Variants in SH3RF1 observed in about 807,000 individuals in gnomAD.
SH3RF1 encodes E3 ubiquitin-protein ligase SH3RF1.
A neutral mutation model predicts 74.0 loss-of-function variants in SH3RF1; 32 were observed. That is an observed-to-expected ratio of 0.43 (90% CI 0.33 to 0.58). SH3RF1 has a LOEUF of 0.58. SH3RF1 is among the 20% of genes least tolerant of loss of function. SH3RF1 has a pLI of 0.05. For synonymous variants in SH3RF1, 396 were observed against 439.6 expected (o/e 0.90, Z 1.24); for missense variants, 954 against 1,130.9 (o/e 0.84, Z 2.24).
intron 2 of SH3RF1, among the ~76,000 whole-genome samples, chr4:169,239,934 G>A (rs1561062021): frequency 6.6e-6 from 1 of 152,084 alleles, no homozygotes; most frequent in Non-Finnish European, 1.5e-5. Context: ...TGAGGCAGGA[G>A]AATCTCTTGA....
chr4:169,211,047 CAT>C (rs530425763), intron 2 of SH3RF1, among the ~76,000 whole-genome samples: 32 of 152,328 alleles, frequency 2.1e-4, no homozygotes, highest in Non-Finnish European at 3.7e-4. Context: ...TTCCTCAAAA[CAT>C]ATTTATTTTT....
At chr4:169,154,629 G>A (rs1398150291) in intron 4 of SH3RF1, among the ~76,000 whole-genome samples, 1 of 152,096 alleles carries the variant, frequency 6.6e-6, no homozygotes, top group Non-Finnish European at 1.5e-5. Context: ...CCTTTTCCAT[G>A]TCTCTTAGTT....
At chr4:169,122,299 A>G in intron 6 of SH3RF1, 33 bp from the exon 7 acceptor site, 1 of 1,540,578 alleles carries the variant, frequency 6.5e-7, no homozygotes, top group Non-Finnish European at 8.8e-7. Flanking sequence ...AGAAAGGGAA[A>G]AAAGGGAACA....
At chr4:169,106,660 C>T (rs571118452) in intron 11 of SH3RF1, among the ~76,000 whole-genome samples, 187 bp downstream of exon 11, 10 of 151,730 alleles carry the variant, frequency 6.6e-5, no homozygotes, top group Admixed American at 3.3e-4. Flanking sequence ...TTAAGAAACA[C>T]GGAAGGAAAA....
chr4:169,230,499 T>C (rs1280236989), intron 2 of SH3RF1, among the ~76,000 whole-genome samples: 9 of 152,172 alleles, frequency 5.9e-5, no homozygotes, highest in Non-Finnish European at 1.2e-4. Context: ...CTATAAAAAA[T>C]AGAAATATTT....
At chr4:169,257,620 T>C (rs1240479825) in intron 2 of SH3RF1, among the ~76,000 whole-genome samples, 1 of 152,194 alleles carries the variant, frequency 6.6e-6, no homozygotes, top group Non-Finnish European at 1.5e-5. Flanking sequence ...CTCACATCAG[T>C]AAAAACTGAG....
intron 2 of SH3RF1, among the ~76,000 whole-genome samples, chr4:169,248,140 A>G (rs1400416213): frequency 6.6e-6 from 1 of 152,222 alleles, no homozygotes; most frequent in Admixed American, 6.5e-5. Flanking sequence ...ATTGGTGGAT[A>G]TATACCCAAA....
At chr4:169,256,836 CA>C (rs1418245497) in intron 2 of SH3RF1, among the ~76,000 whole-genome samples, 1 of 152,208 alleles carries the variant, frequency 6.6e-6, no homozygotes, top group Non-Finnish European at 1.5e-5. Context: ...CTCCTGGCCA[CA>C]ACTGATCCTC....
chr4:169,125,533 A>C (rs1733511878), intron 6 of SH3RF1, among the ~76,000 whole-genome samples: 1 of 152,198 alleles, frequency 6.6e-6, no homozygotes, highest in African/African-American at 2.4e-5. Context: ...GCTTGCCAGT[A>C]AAGTGCTTTG....
chr4:169,239,584 T>C (rs952092578), intron 2 of SH3RF1, among the ~76,000 whole-genome samples: 11 of 152,232 alleles, frequency 7.2e-5, no homozygotes, highest in African/African-American at 2.7e-4. Flanking sequence ...TTCAAAAATT[T>C]AACCATTCTA....
chr4:169,133,860 C>G (rs1183842540), intron 5 of SH3RF1, among the ~76,000 whole-genome samples: 4 of 152,126 alleles, frequency 2.6e-5, no homozygotes. Flanking sequence ...AGGTCAATAG[C>G]AGGGAACAGA....
chr4:169,169,376 C>CAT (rs1264498227), intron 2 of SH3RF1, among the ~76,000 whole-genome samples: 1 of 152,094 alleles, frequency 6.6e-6, no homozygotes, highest in Non-Finnish European at 1.5e-5. Context: ...GCAGGCGGAT[C>CAT]ATATGAGGTC....
Position 169,107,209 on chromosome 4 carries a change from G to A in SH3RF1, c.2140-4C>T. ...TCAACAAACCCTTTTTTTCTTTCTGGAAAAAAAAAATAATGAGCCTTAGTT... is the reference window on the plus strand; with the variant it reads ...TCAACAAACCCTTTTTTTCTTTCTGAAAAAAAAAAATAATGAGCCTTAGTT... On this transcript the variant is annotated splice_polypyrimidine_tract_variant and splice_region_variant and intron_variant, in intron 10 of 11. Transcript: ENST00000284637. 2.8e-6 allele frequency: 4 copies of A among 1,415,806 alleles called. No individual in the cohort carries two copies. The highest frequency in any genetic ancestry group is 3.8e-6 in the Non-Finnish European group (4 of 1,058,942). The allele number at this position is 1,415,806 out of a possible 1,614,324, so 87.7% of individuals were successfully genotyped here.
At position 169,268,956 on chromosome 4, in the gene SH3RF1, C is replaced by G; in HGVS notation, c.257G>C (p.Gly86Ala). 1 of 1,614,194 alleles carries G rather than the reference C, an allele frequency of 6.2e-7. No individual in the cohort carries two copies. ...IKQRPWKPGP[G>A]GGSGTNCTNA... ...TGTGCAGTTGGTCCCACTTCCCCCA[C>G]CAGGACCAGGTTTCCAAGGCCTCTG... Residue 86 changes from glycine to alanine, a missense_variant, in exon 2 of 12, where the codon GGT (glycine) becomes GCT (alanine). This residue lies in a region of SH3RF1 where 854 missense variants were observed against 962.5 expected (regional missense o/e 0.89). Coordinates refer to ENST00000284637, the MANE Select transcript of SH3RF1 (RefSeq NM_020870.4).
intron 2 of SH3RF1, among the ~76,000 whole-genome samples, chr4:169,168,070 C>T (rs1378398047): frequency 2.0e-5 from 3 of 152,068 alleles, no homozygotes; most frequent in African/African-American, 4.8e-5. Context: ...AGCCCAGGAA[C>T]TCCAGGTTGC....
At chr4:169,203,896 G>T (rs1182014008) in intron 2 of SH3RF1, 1 of 152,122 alleles carries the variant, frequency 6.6e-6, no homozygotes, top group Non-Finnish European at 1.5e-5. Flanking sequence ...TTAAAGTCTG[G>T]TTGCACTACT....
chr4:169,106,978 G>A lies in SH3RF1; in HGVS notation c.2367C>T (p.Ala789=). 2 of 1,613,832 alleles carry A rather than the reference G, an allele frequency of 1.2e-6. No individual in the cohort carries two copies. The highest frequency in any genetic ancestry group is 1.7e-5 in the Admixed American group (1 of 60,032). ...TCCTATGAAAAGCATCCTGGGCCAG[G>A]GCTGCTCCTGCCACTGCAGTCGTGA... is the stretch of plus-strand genomic sequence containing the variant. The part of the protein sequence containing the change: ...GPVTTAVAGA[A]LAQDAFHRKA... Residue 789 remains alanine, a synonymous_variant, in exon 11 of 12, where the codon GCC becomes GCT. Transcript: ENST00000284637.
chr4:169,213,340 G>A (rs188751817), intron 2 of SH3RF1, among the ~76,000 whole-genome samples: 1 of 152,278 alleles, frequency 6.6e-6, no homozygotes, highest in Admixed American at 6.5e-5. Context: ...GTCTGTTCAG[G>A]TCTTTTGCCC....
intron 2 of SH3RF1, among the ~76,000 whole-genome samples, chr4:169,239,252 G>T (rs1330425290): frequency 1.3e-5 from 2 of 152,008 alleles, no homozygotes; most frequent in East Asian, 3.8e-4. Flanking sequence ...TTGTAAAAGG[G>T]GAATATTTTT....
Sources: gnomAD v4.1 joint callset for allele counts (sites outside exome capture counted in the v4.1 genomes callset) on GRCh38, gnomAD v4.1.1 for gene constraint, gnomAD v4.1.1 regional missense constraint, MANE v1.5 for transcripts, NCBI Gene and HGNC (gene_info 2026-07-23, HGNC 2026-07-21) for gene names.